Variants in ZMIZ2 observed in about 807,000 individuals in gnomAD.
The protein encoded by ZMIZ2 is zinc finger MIZ domain-containing protein 2.
ZMIZ2 carries 26 observed loss-of-function variants against 93.9 expected under a neutral mutation model. The observed-to-expected ratio is 0.28, with a 90% CI of 0.20 to 0.38. The LOEUF is 0.38. Ranked by LOEUF, ZMIZ2 falls within the 10% of genes least tolerant of loss-of-function variation. The probability of loss-of-function intolerance (pLI) is 1.00; values close to 1 mark genes in which losing one functional copy is unlikely to be tolerated. For synonymous variants in ZMIZ2, 485 were observed against 516.4 expected (o/e 0.94, Z 0.82); for missense variants, 1,023 against 1,235.0 (o/e 0.83, Z 2.57).
intron 1 of ZMIZ2, among the ~76,000 whole-genome samples, chr7:44,751,572 A>G (rs975783761): frequency 1.3e-5 from 2 of 152,212 alleles, no homozygotes; most frequent in East Asian, 3.8e-4. Flanking sequence ...AGCCAACCCA[A>G]CCAGCTTTCT....
At chr7:44,755,368 T>G (rs1179029872) in intron 1 of ZMIZ2, among the ~76,000 whole-genome samples, 1 of 152,146 alleles carries the variant, frequency 6.6e-6, no homozygotes, top group Non-Finnish European at 1.5e-5. Context: ...GGGGGTGTCA[T>G]GGATGGGCCA....
intron 1 of ZMIZ2, among the ~76,000 whole-genome samples, chr7:44,754,569 G>A (rs1478304083): frequency 1.3e-5 from 2 of 152,270 alleles, no homozygotes; most frequent in East Asian, 1.9e-4. Context: ...CACACAGCTC[G>A]CCCTCAGAAT....
rs1791652569 is a variant in ZMIZ2, at chr7:44,765,790, G to A, written c.2242+211G>A. The A allele has an allele frequency of 9.8e-7, 1 of 1,016,070 alleles. No homozygotes were observed. The highest frequency in any genetic ancestry group is 1.4e-6 in the Non-Finnish European group (1 of 719,748). 62.9% of individuals were successfully genotyped at this position (1,016,070 alleles called of 1,614,324 possible). A position where few individuals can be genotyped will look rare whatever the true frequency, so the allele number is the denominator to read the frequency against. ...GGCACAGTCTCAGCTATGGTCCCAG[G>A]AAACAGACAGTGGGGCCTCCACCCT... is the stretch of plus-strand genomic sequence containing the variant. On this transcript the variant is annotated intron_variant, in intron 16 of 18. Coordinates refer to ENST00000309315, the MANE Select transcript of ZMIZ2 (RefSeq NM_031449.4). The surrounding 1 kb of genome is among the most constrained non-coding windows in gnomAD (Gnocchi z 4.1).
chr7:44,766,884 C>T lies in ZMIZ2; in HGVS notation c.2655+221C>T, dbSNP rs994558544. Among the ~76,000 whole-genome samples, 5 of 152,132 alleles carry T rather than the reference C, an allele frequency of 3.3e-5. No individual in the cohort carries two copies. The highest frequency in any genetic ancestry group is 1.9e-4 in the East Asian group (1 of 5,186). On this transcript the variant is annotated intron_variant, in intron 18 of 18. Transcript: ENST00000309315. This position sits in a 1 kb window ranked among gnomAD's most constrained non-coding sequence, Gnocchi z 4.4. ...GTTCATGAGGGGCCTGGATGCCGTA[C>T]GGGCGGACGCAGAGTCTCAGAGGAG...
chr7:44,759,538 T>A, intron 7 of ZMIZ2, 78 bp downstream of exon 7: 2 of 1,133,202 alleles, frequency 1.8e-6, no homozygotes, highest in South Asian at 5.4e-5. Flanking sequence ...GGCAGTCCTG[T>A]CCTCGAGAGC....
intron 11 of ZMIZ2, 86 bp from the exon 12 acceptor site, chr7:44,762,795 A>T: frequency 1.2e-6 from 1 of 821,706 alleles, no homozygotes; most frequent in Non-Finnish European, 1.7e-6. Context: ...GCAGCCCCTG[A>T]CACACAACCC....
rs1024482591 is a variant in ZMIZ2 at position 44,766,999 on chromosome 7, A to C, written c.2655+336A>C. On this transcript the variant is annotated intron_variant, in intron 18 of 18. Transcript: ENST00000309315. The surrounding 1 kb of genome is among the most constrained non-coding windows in gnomAD (Gnocchi z 4.4). ...CCCTGGGTCTTGACTCACAGGTGGA[A>C]TGGGAGTGCAAACTCAGTACATGAA... 7.2e-5 allele frequency among the ~76,000 whole-genome samples: 11 copies of C among 152,160 alleles called. No individual in the cohort carries two copies. The highest frequency in any genetic ancestry group is 2.7e-4 in the African/African-American group (11 of 41,430).
At chr7:44,749,745 C>A (rs987399874) in intron 1 of ZMIZ2, 2 of 152,350 alleles carry the variant, frequency 1.3e-5, no homozygotes, top group African/African-American at 2.4e-5. Flanking sequence ...GCCTCTCCTT[C>A]TCCCTAGGGT....
intron 1 of ZMIZ2, among the ~76,000 whole-genome samples, chr7:44,753,169 T>C (rs555979637): frequency 5.6e-4 from 86 of 152,266 alleles, no homozygotes; most frequent in African/African-American, 2.1e-3. Flanking sequence ...AAGTGTCTCT[T>C]TATGTTTTTT....
Position 44,766,583 on chromosome 7 carries a change from C to T in ZMIZ2, c.2575C>T (p.Leu859=). ...GQASLGPTGE[L]AFSPATGVMG... ...AGCGAGCTTAGGACCTACGGGTGAA[C>T]TGGCCTTCAGTCCTGCCACAGGCGT... The change falls in exon 18 of 19, where the codon CTG becomes TTG. Residue 859 remains leucine (L), a synonymous_variant. Transcript: ENST00000309315. The surrounding 1 kb of genome is among the most constrained non-coding windows in gnomAD (Gnocchi z 4.4). The T allele has an allele frequency of 1.2e-6, 2 of 1,613,686 alleles. No homozygotes were observed. Among genetic ancestry groups the T allele is most frequent in the Non-Finnish European group, 1.7e-6 (2 of 1,180,030 alleles).
chr7:44,751,972 A>G (rs1204377741), intron 1 of ZMIZ2, among the ~76,000 whole-genome samples: 2 of 152,104 alleles, frequency 1.3e-5, no homozygotes, highest in East Asian at 1.9e-4. Flanking sequence ...AAAAAGAAAA[A>G]AAAAAAATTA....
In ZMIZ2 at chr7:44,756,333, C is replaced by T. The variant is rs370733801; in HGVS notation, c.50+34C>T. ...GGGCTCCTCTGCCCACCCCTCAGGC[C>T]CTGGGGTTGGGGGTGGCATTTCTGG... On this transcript the variant is annotated intron_variant, in intron 2 of 18. Coordinates refer to ENST00000309315, the MANE Select transcript of ZMIZ2 (RefSeq NM_031449.4). 23 of 1,613,948 alleles carry T rather than the reference C, an allele frequency of 1.4e-5. No individual in the cohort carries two copies. The African/African-American group carries it at 2.9e-4, about 21-fold the overall frequency.
intron 1 of ZMIZ2, among the ~76,000 whole-genome samples, chr7:44,755,102 G>C (rs1790478840): frequency 6.6e-6 from 1 of 152,158 alleles, no homozygotes; most frequent in Admixed American, 6.5e-5. Flanking sequence ...TACTAAATGG[G>C]GAGAGCAAAC....
In ZMIZ2 at chr7:44,768,447, C is replaced by T. The variant is rs2116937698; in HGVS notation, c.*824C>T. The T allele has an allele frequency of 6.6e-6, 1 of 152,544 alleles. No homozygotes were observed. 9.4% of individuals were successfully genotyped at this position (152,544 alleles called of 1,614,324 possible). A position where few individuals can be genotyped will look rare whatever the true frequency, so the allele number is the denominator to read the frequency against. On this transcript the variant is annotated 3_prime_UTR_variant, in exon 19 of 19. Transcript: ENST00000309315. ...TGGGTGGGTGGGCTCTCAGATTCAG[C>T]TCTGTGTAAAGATTCTCTAGCGGGC...
chr7:44,765,473 C>T lies in ZMIZ2; in HGVS notation c.2136C>T (p.Leu712=). The part of the protein sequence containing the change: ...RCRTVSPAHV[L]MPSVMEMIAA... ...GCACCGTGAGCCCCGCCCACGTGCT[C>T]ATGCCCAGCGTGATGGAGATGATCG... Residue 712 remains leucine (L), a synonymous_variant, in exon 16 of 19, where the codon CTC becomes CTT. Coordinates refer to ENST00000309315, the MANE Select transcript of ZMIZ2 (RefSeq NM_031449.4). This position sits in a 1 kb window ranked among gnomAD's most constrained non-coding sequence, Gnocchi z 4.1. The T allele has an allele frequency of 1.2e-6, 2 of 1,603,606 alleles. No homozygotes were observed. The highest frequency in any genetic ancestry group is 1.7e-6 in the Non-Finnish European group (2 of 1,179,860).
chr7:44,759,156 G>T, intron 6 of ZMIZ2, 125 bp from the exon 7 acceptor site: 1 of 785,644 alleles, frequency 1.3e-6, no homozygotes, highest in Non-Finnish European at 1.9e-6. Context: ...GTCACAGCAG[G>T]ATCTTCAAGG....
At position 44,757,968 on chromosome 7, in the gene ZMIZ2, T is replaced by C; in HGVS notation, c.673T>C (p.Ser225Pro). 1 of 1,611,618 alleles carries C rather than the reference T, an allele frequency of 6.2e-7. No homozygotes were observed. Among genetic ancestry groups the C allele is most frequent in the Non-Finnish European group, 8.5e-7 (1 of 1,178,862 alleles). ...AGGGGTAATGGGCCCCTCTGGCCTC[T>C]CCCCCTTGGCTATGAACCCCACCCG... ...IGGVMGPSGL[S>P]PLAMNPTRAA... is the part of the protein sequence containing the mutation. The change falls in exon 6 of 19, where the codon TCC (serine) becomes CCC (proline). Residue 225 changes from serine (S) to proline (P), a missense_variant. By Grantham distance (74) the Ser-to-Pro change is moderately conservative. Transcript: ENST00000309315.
At chr7:44,767,207 G>A (rs911743217) in intron 18 of ZMIZ2, among the ~76,000 whole-genome samples, 43 of 152,270 alleles carry the variant, frequency 2.8e-4, no homozygotes, top group African/African-American at 9.4e-4. Context: ...CCCCACGCAG[G>A]CTGATGCACA....
rs1267369107 is a variant in ZMIZ2 at position 44,766,226 on chromosome 7, C to T, written c.2305C>T (p.Pro769Ser). ...CTTCCCACCCACCACGCCCAGCACCCCAACCCTTGCTGAGTTCACCCCGGG... is the reference window on the plus strand; with the variant it reads ...CTTCCCACCCACCACGCCCAGCACCTCAACCCTTGCTGAGTTCACCCCGGG... ...ESFPPTTPST[P>S]TLAEFTPGPP... The change falls in exon 17 of 19, where the codon CCA becomes TCA. Residue 769 changes from proline to serine, a missense_variant. Around this residue, in one of 3 missense-constraint regions of ZMIZ2, gnomAD observed 319 missense variants for 358.8 expected, o/e 0.89. Transcript: ENST00000309315. This position sits in a 1 kb window ranked among gnomAD's most constrained non-coding sequence, Gnocchi z 4.4. 5.0e-6 allele frequency: 8 copies of T among 1,605,948 alleles called. No homozygotes were observed. The highest frequency in any genetic ancestry group is 3.4e-5 in the Admixed American group (2 of 59,128).
Sources: allele counts gnomAD v4.1 joint callset (sites outside exome capture counted in the v4.1 genomes callset), GRCh38; gene constraint gnomAD v4.1.1; regional missense constraint gnomAD v4.1.1; non-coding constraint Gnocchi (gnomAD v3.1); transcripts MANE v1.5; gene names NCBI Gene and HGNC (gene_info 2026-07-23, HGNC 2026-07-21).